Variants in CDH12 observed in about 807,000 individuals in gnomAD.
CDH12 encodes the protein cadherin 12.
Under a neutral mutation model 74.1 loss-of-function variants are expected in CDH12, and 41 were observed. The ratio of observed to expected loss-of-function variants is 0.55; its 90% confidence interval spans 0.43 to 0.72. The LOEUF is 0.72. CDH12 is among the 30% of genes least tolerant of loss of function. CDH12 has a pLI of 0.00. For synonymous variants in CDH12, 399 were observed against 355.0 expected (o/e 1.12, Z -1.39); for missense variants, 945 against 977.2 (o/e 0.97, Z 0.44).
chr5:22,567,068 C>T (rs1294151803), intron 1 of CDH12, among the ~76,000 whole-genome samples: 2 of 152,138 alleles, frequency 1.3e-5, no homozygotes, highest in Admixed American at 6.5e-5. Context: ...AAGTATGGTC[C>T]TATGCCTTAA....
At chr5:22,031,898 T>C (rs1738846787) in intron 5 of CDH12, among the ~76,000 whole-genome samples, 1 of 151,838 alleles carries the variant, frequency 6.6e-6, no homozygotes, top group Non-Finnish European at 1.5e-5. Flanking sequence ...AACTTTGGAA[T>C]TTTCAAGAAT....
intron 2 of CDH12, among the ~76,000 whole-genome samples, chr5:22,413,858 A>G (rs551482194): frequency 2.0e-5 from 3 of 152,106 alleles, no homozygotes; most frequent in African/African-American, 7.2e-5. Flanking sequence ...AAAATAATTC[A>G]AATTGAATCT....
intron 1 of CDH12, among the ~76,000 whole-genome samples, chr5:22,533,322 G>C (rs943667232): frequency 1.3e-5 from 2 of 152,134 alleles, no homozygotes; most frequent in Non-Finnish European, 1.5e-5. Context: ...AAGAAATCCT[G>C]ATCTATGTCT....
At chr5:22,654,236 G>GTTTCTTTCTTTCTTTCTTTCTTTC (rs200960229) in intron 1 of CDH12, among the ~76,000 whole-genome samples, 8 of 122,724 alleles carry the variant, frequency 6.5e-5, no homozygotes, top group African/African-American at 2.1e-4. Context: ...TTGTTTCTTT[G>GTTTCTTTCTTTCTTTCTTTCTTTC]TTTCTTTCTT....
intron 4 of CDH12, among the ~76,000 whole-genome samples, chr5:22,147,318 C>T (rs1747252568): frequency 6.6e-6 from 1 of 152,062 alleles, no homozygotes; most frequent in African/African-American, 2.4e-5. Context: ...TTCTTGTTCC[C>T]TTTGGAGGAT....
At chr5:22,084,436 A>AT (rs1742935355) in intron 4 of CDH12, among the ~76,000 whole-genome samples, 1 of 152,252 alleles carries the variant, frequency 6.6e-6, no homozygotes, top group Non-Finnish European at 1.5e-5. Flanking sequence ...ATGAATTCAC[A>AT]GCATAGTTTT....
At chr5:21,968,813 A>T (rs1179600929) in intron 6 of CDH12, among the ~76,000 whole-genome samples, 1 of 152,118 alleles carries the variant, frequency 6.6e-6, no homozygotes, top group Admixed American at 6.6e-5. Context: ...AGGAAATGAG[A>T]TCATGTCCTT....
chr5:22,631,206 C>T (rs1251499767), intron 1 of CDH12, among the ~76,000 whole-genome samples: 2 of 152,108 alleles, frequency 1.3e-5, no homozygotes, highest in African/African-American at 4.8e-5. Context: ...ATTAGTTTAG[C>T]CATTGTGGAA....
At chr5:22,143,367 C>CTTTT (rs1561156581) in intron 4 of CDH12, 11 of 111,282 alleles carry the variant, frequency 9.9e-5, no homozygotes, top group African/African-American at 4.2e-4. Flanking sequence ...GTATAATATT[C>CTTTT]CTTTTTTTTT....
At chr5:22,384,828 C>CAATAA in intron 3 of CDH12, among the ~76,000 whole-genome samples, 1 of 152,196 alleles carries the variant, frequency 6.6e-6, no homozygotes, top group South Asian at 2.1e-4. Context: ...TTTCTTAGCA[C>CAATAA]AATAAAAATA....
intron 6 of CDH12, among the ~76,000 whole-genome samples, chr5:21,946,398 T>C (rs910599249): frequency 6.6e-6 from 1 of 152,174 alleles, no homozygotes; most frequent in Non-Finnish European, 1.5e-5. Context: ...TTTCTAATAG[T>C]TGAAGCAAAA....
intron 3 of CDH12, among the ~76,000 whole-genome samples, chr5:22,233,868 C>A (rs1002934272): frequency 3.3e-5 from 5 of 152,150 alleles, no homozygotes; most frequent in African/African-American, 1.2e-4. Context: ...AGTTTGCCCA[C>A]CTTGACGTGC....
chr5:22,638,539 G>A (rs1738959359), intron 1 of CDH12, among the ~76,000 whole-genome samples: 1 of 152,138 alleles, frequency 6.6e-6, no homozygotes, highest in African/African-American at 2.4e-5. Context: ...CCAGATTGAG[G>A]GTGGGTCTGC....
At chr5:22,677,210 A>T (rs1313953488) in intron 1 of CDH12, among the ~76,000 whole-genome samples, 1 of 152,170 alleles carries the variant, frequency 6.6e-6, no homozygotes, top group Non-Finnish European at 1.5e-5. Flanking sequence ...CCAAAAGTTC[A>T]CACACTCTGT....
intron 4 of CDH12, among the ~76,000 whole-genome samples, chr5:22,188,042 G>A (rs1197642875): frequency 1.3e-5 from 2 of 151,296 alleles, no homozygotes; most frequent in African/African-American, 4.9e-5. Context: ...ATTTGAATAG[G>A]GTTGGTTGTT....
chr5:22,710,833 G>T (rs1409710674), intron 1 of CDH12, among the ~76,000 whole-genome samples: 3 of 152,012 alleles, frequency 2.0e-5, no homozygotes, highest in Non-Finnish European at 2.9e-5. Context: ...AAAATTATCT[G>T]CTCCTGACGT....
At chr5:22,585,216 CT>C (rs1740322057) in intron 1 of CDH12, among the ~76,000 whole-genome samples, 1 of 152,164 alleles carries the variant, frequency 6.6e-6, no homozygotes, top group Admixed American at 6.5e-5. Context: ...AGCACCCTGC[CT>C]ATTTAATTCC....
chr5:21,857,981 G>T (rs1750840377), intron 6 of CDH12, among the ~76,000 whole-genome samples: 1 of 151,664 alleles, frequency 6.6e-6, no homozygotes, highest in South Asian at 2.1e-4. Context: ...GACAGAGAGA[G>T]AGAGAGAGAC....
At chr5:22,398,161 T>C (rs1742545870) in intron 3 of CDH12, among the ~76,000 whole-genome samples, 1 of 152,064 alleles carries the variant, frequency 6.6e-6, no homozygotes, top group African/African-American at 2.4e-5. Flanking sequence ...ACTTATTCAC[T>C]AACAGCAGAC....
Sources: allele counts gnomAD v4.1 joint callset (sites outside exome capture counted in the v4.1 genomes callset), GRCh38; gene constraint gnomAD v4.1.1; transcripts MANE v1.5; gene names NCBI Gene and HGNC (gene_info 2026-07-23, HGNC 2026-07-21).